The following COMMD1 variants were observed in gnomAD, a reference collection of about 807,000 sequenced individuals.
COMMD1 encodes copper metabolism domain containing 1.
COMMD1 carries 10 observed loss-of-function variants against 17.2 expected under a neutral mutation model. The observed-to-expected ratio is 0.58, with a 90% CI of 0.36 to 0.99. The LOEUF (loss-of-function observed/expected upper bound fraction) is 0.99, where lower values mean the gene tolerates loss of function less well. COMMD1 is among the 50% of genes least tolerant of loss of function. The probability of loss-of-function intolerance (pLI) is 0.01; values close to 1 mark genes in which losing one functional copy is unlikely to be tolerated. For missense variants in COMMD1, 270 were observed against 231.8 expected, an observed-to-expected ratio of 1.17 and a Z score of -1.07; for synonymous variants, 97 against 91.6, an observed-to-expected ratio of 1.06 and a Z score of -0.34.
At chr2:61,963,426 G>C (rs563512610) in intron 1 of COMMD1, among the ~76,000 whole-genome samples, 1 of 151,848 alleles carries the variant, frequency 6.6e-6, no homozygotes, top group African/African-American at 2.4e-5. Context: ...ACACCATCTC[G>C]GCTCACTGCA....
chr2:61,905,794 T>C lies in COMMD1; in HGVS notation c.116T>C (p.Leu39Pro). ...GITEELLRSQ[L>P]YPEVPPEEFR... ...ACAGAGGAGCTGCTACGGAGCCAGC[T>C]ATATCCAGAGGTGCCACCCGAGGAG... is the stretch of plus-strand genomic sequence containing the variant. The change falls in exon 1 of 3, where the codon CTA becomes CCA. Residue 39 changes from leucine (L) to proline (P), a missense_variant. Coordinates refer to ENST00000311832, the MANE Select transcript of COMMD1 (RefSeq NM_152516.4). The C allele has an allele frequency of 6.2e-7, 1 of 1,614,210 alleles. No homozygotes were observed. The highest frequency in any genetic ancestry group is 8.5e-7 in the Non-Finnish European group (1 of 1,180,030).
chr2:62,098,871 C>T (rs1183335536), intron 2 of COMMD1, among the ~76,000 whole-genome samples: 1 of 152,208 alleles, frequency 6.6e-6, no homozygotes, highest in East Asian at 1.9e-4. Flanking sequence ...TCAGCTGACA[C>T]ATGTCAGAGA....
At chr2:62,126,639 G>T (rs1672895311) in intron 2 of COMMD1, among the ~76,000 whole-genome samples, 1 of 152,094 alleles carries the variant, frequency 6.6e-6, no homozygotes. Context: ...TAAGTTCCTT[G>T]TAGATTCTAG....
chr2:62,116,373 G>A (rs959936464), intron 2 of COMMD1, among the ~76,000 whole-genome samples: 5 of 152,128 alleles, frequency 3.3e-5, no homozygotes, highest in Non-Finnish European at 7.4e-5. Context: ...TTAAGTTGTA[G>A]TTAAGATGTT....
intron 2 of COMMD1, among the ~76,000 whole-genome samples, chr2:62,049,276 T>A (rs1050904442): frequency 6.6e-6 from 1 of 152,106 alleles, no homozygotes; most frequent in Admixed American, 6.5e-5. Flanking sequence ...TGTATAATTT[T>A]AAAAACTCAG....
intron 2 of COMMD1, among the ~76,000 whole-genome samples, chr2:62,063,480 G>A (rs1296534383): frequency 3.3e-5 from 5 of 152,072 alleles, no homozygotes; most frequent in Admixed American, 1.3e-4. Context: ...GTGAGCCACC[G>A]CACCTGGCTT....
chr2:62,059,297 A>G (rs1395484971), intron 2 of COMMD1, among the ~76,000 whole-genome samples: 3 of 151,766 alleles, frequency 2.0e-5, no homozygotes, highest in Non-Finnish European at 4.4e-5. Flanking sequence ...TGGGACCACA[A>G]GTGCAAGCCA....
At chr2:62,044,822 A>C (rs1212989798) in intron 2 of COMMD1, among the ~76,000 whole-genome samples, 2 of 149,228 alleles carry the variant, frequency 1.3e-5, no homozygotes, top group Non-Finnish European at 3.0e-5. Context: ...ATCTTCAAGG[A>C]GCAAGCTCCT....
intron 1 of COMMD1, among the ~76,000 whole-genome samples, chr2:61,994,876 C>T (rs866105337): frequency 3.9e-5 from 6 of 152,096 alleles, no homozygotes; most frequent in Non-Finnish European, 7.3e-5. Flanking sequence ...CCAGTCAGTG[C>T]GCCCAGAGAA....
At chr2:62,117,370 T>A (rs1401810574) in intron 2 of COMMD1, among the ~76,000 whole-genome samples, 1 of 152,228 alleles carries the variant, frequency 6.6e-6, no homozygotes, top group East Asian at 1.9e-4. Context: ...TGAGTCTTTC[T>A]TAAAGTTAAC....
intron 1 of COMMD1, among the ~76,000 whole-genome samples, chr2:61,934,476 G>A (rs756069971): frequency 3.1e-4 from 47 of 152,214 alleles, no homozygotes; most frequent in African/African-American, 9.4e-4. Context: ...TGATCCCAGC[G>A]CTTGGGGAGG....
At chr2:61,916,094 G>C (rs1203828318) in intron 1 of COMMD1, among the ~76,000 whole-genome samples, 1 of 151,740 alleles carries the variant, frequency 6.6e-6, no homozygotes, top group Non-Finnish European at 1.5e-5. Flanking sequence ...CCTGAACCTC[G>C]ATCTACAGGT....
chr2:61,892,049 T>A (rs1405797376), intron 1 of COMMD1, among the ~76,000 whole-genome samples: 1 of 151,668 alleles, frequency 6.6e-6, no homozygotes, highest in Non-Finnish European at 1.5e-5. Context: ...GCCAGAATGG[T>A]CTCGATCTCC....
rs56781862 is a variant in COMMD1, at chr2:62,041,806, C to T, written c.462+40824C>T. Among the ~76,000 whole-genome samples the T allele has an allele frequency of 3.1e-3, 471 of 152,202 alleles. 1 individual carries two copies. The highest frequency in any genetic ancestry group is 0.011 in the African/African-American group (438 of 41,532). ...AGATGTGTCCGGAGTTTCTTCCTTCCGGTGGGTTCGTGGTCTCGCTGGCTT... is the reference window on the plus strand; with the variant it reads ...AGATGTGTCCGGAGTTTCTTCCTTCTGGTGGGTTCGTGGTCTCGCTGGCTT... On this transcript the variant is annotated intron_variant, in intron 2 of 2. Transcript: ENST00000311832.
At chr2:61,995,462 C>T (rs1176798379) in intron 1 of COMMD1, among the ~76,000 whole-genome samples, 2 of 152,230 alleles carry the variant, frequency 1.3e-5, no homozygotes, top group African/African-American at 4.8e-5. Flanking sequence ...ATATTCCTCA[C>T]TCAGTCATCT....
rs67886279 is a variant in COMMD1, at chr2:62,014,542, C to CTTTTTTTTT, written c.462+13589_462+13597dup. Reference sequence around the variant, plus strand: ...CATAACAAAATTTTACCATTTTAACCTTTTTTTTTTTTTTTTTTTTTTTTT... The same window carrying CTTTTTTTTT: ...CATAACAAAATTTTACCATTTTAACCTTTTTTTTTTTTTTTTTTTTTTTTTTTTTTTTTT... On this transcript the variant is annotated intron_variant, in intron 2 of 2. Transcript: ENST00000311832. Among the ~76,000 whole-genome samples, 24 of 63,566 alleles carry CTTTTTTTTT rather than the reference C, an allele frequency of 3.8e-4. 1 individual carries two copies. The highest frequency in any genetic ancestry group is 1.5e-3 in the African/African-American group (21 of 14,020). 41.7% of individuals were successfully genotyped at this position (63,566 alleles called of 152,430 possible).
intron 2 of COMMD1, among the ~76,000 whole-genome samples, chr2:62,018,568 C>T (rs1316294123): frequency 6.6e-6 from 1 of 151,978 alleles, no homozygotes; most frequent in Non-Finnish European, 1.5e-5. Flanking sequence ...GGTTATTTTC[C>T]GGCTTTATTG....
intron 2 of COMMD1, among the ~76,000 whole-genome samples, chr2:62,134,392 G>A (rs1190958355): frequency 1.3e-5 from 2 of 152,104 alleles, no homozygotes; most frequent in African/African-American, 4.8e-5. Context: ...TGGATTATAT[G>A]CTCTGTAAGG....
chr2:61,945,912 G>A lies in COMMD1; in HGVS notation c.180+40054G>A, dbSNP rs1393845416. Among the ~76,000 whole-genome samples the A allele has an allele frequency of 3.9e-5, 6 of 152,114 alleles. No homozygotes were observed. In the South Asian group the frequency reaches 1.2e-3, roughly 32 times the overall value. ...CTGCAGATTAAACTTCCAGGTAGCGGGTTTTAGAGAAAATAGATTGTAAAT... is the reference window on the plus strand; with the variant it reads ...CTGCAGATTAAACTTCCAGGTAGCGAGTTTTAGAGAAAATAGATTGTAAAT... On this transcript the variant is annotated intron_variant, in intron 1 of 2. Transcript: ENST00000311832.
Sources: allele counts gnomAD v4.1 joint callset (sites outside exome capture counted in the v4.1 genomes callset), GRCh38; gene constraint gnomAD v4.1.1; transcripts MANE v1.5; gene names NCBI Gene and HGNC (gene_info 2026-07-23, HGNC 2026-07-21).